The following DDI2 variants were observed in gnomAD, a reference collection of about 807,000 sequenced individuals.
DDI2 encodes DDI proteasomal shuttling factor 2.
Under a neutral mutation model 48.1 loss-of-function variants are expected in DDI2, and 5 were observed. The ratio of observed to expected loss-of-function variants is 0.10; its 90% confidence interval spans 0.05 to 0.22. The LOEUF (loss-of-function observed/expected upper bound fraction) is 0.22, where lower values mean the gene tolerates loss of function less well. DDI2 is among the 10% of genes least tolerant of loss of function. The probability of loss-of-function intolerance (pLI) is 1.00; values close to 1 mark genes in which losing one functional copy is unlikely to be tolerated. For synonymous variants in DDI2, 205 were observed against 183.6 expected, an observed-to-expected ratio of 1.12 and a Z score of -0.94; for missense variants, 285 against 506.2, an observed-to-expected ratio of 0.56 and a Z score of 4.19.
At chr1:15,651,613 C>G in intron 7 of DDI2, 93 bp from the exon 8 acceptor site, 2 of 1,251,202 alleles carry the variant, frequency 1.6e-6, no homozygotes, top group Non-Finnish European at 2.2e-6. Flanking sequence ...GTCACCGTGC[C>G]TGGCCATTTG....
chr1:15,619,582 C>T (rs1020652031), intron 1 of DDI2, among the ~76,000 whole-genome samples: 1 of 151,856 alleles, frequency 6.6e-6, no homozygotes, highest in African/African-American at 2.4e-5. Context: ...CTGCCTCAGC[C>T]TCCCGAGTAG....
chr1:15,649,788 A>G lies in DDI2; in HGVS notation c.958A>G (p.Met320Val), dbSNP rs1056577268. ...TATACTTGAGGAACAGCCCATGGAC[A>G]TGCTTCTGGGACTGGACATGCTTAA... is the stretch of plus-strand genomic sequence containing the variant. ...FSILEEQPMD[M>V]LLGLDMLKRH... The change falls in exon 7 of 10, where the codon ATG becomes GTG. Residue 320 changes from methionine (M) to valine (V), a missense_variant. Met to Val is a conservative substitution (Grantham distance 21). Transcript: ENST00000480945. 7 of 1,613,432 alleles carry G rather than the reference A, an allele frequency of 4.3e-6. No individual in the cohort carries two copies. The East Asian group carries it at 1.6e-4, about 36-fold the overall frequency.
chr1:15,651,225 A>G (rs1640177220), intron 7 of DDI2, among the ~76,000 whole-genome samples: 4 of 152,092 alleles, frequency 2.6e-5, no homozygotes, highest in African/African-American at 9.7e-5. Context: ...GCCTTTCCTT[A>G]TTTTTTTAGT....
chr1:15,668,067 A>G lies in DDI2; in HGVS notation c.*8277A>G, dbSNP rs1489642940. 1 of 152,032 alleles carries G rather than the reference A, an allele frequency of 6.6e-6. No individual in the cohort carries two copies. The highest frequency in any genetic ancestry group is 1.5e-5 in the Non-Finnish European group (1 of 68,024). 9.4% of individuals were successfully genotyped at this position (152,032 alleles called of 1,614,324 possible). On this transcript the variant is annotated 3_prime_UTR_variant, in exon 10 of 10. Transcript: ENST00000480945. ...GAACTAGGTTTCTTTATGTTCTGCA[A>G]GAAGGTTTTTATTAGCTAATTTGGG... is the stretch of plus-strand genomic sequence containing the variant.
At chr1:15,641,852 G>A (rs1195120662) in intron 5 of DDI2, among the ~76,000 whole-genome samples, 1 of 151,776 alleles carries the variant, frequency 6.6e-6, no homozygotes, top group African/African-American at 2.4e-5. Flanking sequence ...CTACTCGGGA[G>A]GCTGAGGCAG....
At chr1:15,628,638 T>A (rs1258628753) in intron 2 of DDI2, among the ~76,000 whole-genome samples, 2 of 152,230 alleles carry the variant, frequency 1.3e-5, no homozygotes, top group African/African-American at 4.8e-5. Flanking sequence ...TGAAGGAATG[T>A]CGATTGACTC....
intron 9 of DDI2, 24 bp downstream of exon 9, chr1:15,656,703 C>T (rs1640278386): frequency 1.2e-6 from 2 of 1,613,368 alleles, no homozygotes; most frequent in Non-Finnish European, 1.7e-6. Flanking sequence ...CCATGTTAAG[C>T]CTTCCATCCA....
At chr1:15,652,098 C>A (rs1640195635) in intron 8 of DDI2, among the ~76,000 whole-genome samples, 1 of 122,216 alleles carries the variant, frequency 8.2e-6, no homozygotes. Context: ...CATTGTCTCA[C>A]TCTGTCACCC....
chr1:15,648,292 A>G (rs929922495), intron 6 of DDI2, among the ~76,000 whole-genome samples: 4 of 152,356 alleles, frequency 2.6e-5, no homozygotes, highest in African/African-American at 9.6e-5. Flanking sequence ...CTCTGTGGCC[A>G]TCCTTGTGGA....
chr1:15,629,326 T>A (rs924008960), intron 2 of DDI2, among the ~76,000 whole-genome samples: 7 of 152,296 alleles, frequency 4.6e-5, no homozygotes, highest in South Asian at 2.1e-4. Context: ...CCGGGCACAG[T>A]GGCTCACACT....
In DDI2 at chr1:15,668,607, CCTTT is replaced by C. The variant is rs1473023007; in HGVS notation, c.*8822_*8825del. On this transcript the variant is annotated 3_prime_UTR_variant, in exon 10 of 10. Transcript: ENST00000480945. ...AAATCTTAGCAACTAGAAACCCCGT[CCTTT>C]CTTTTCCTTCTTTATATGTTCTTGC... 2 of 152,314 alleles carry C rather than the reference CCTTT, an allele frequency of 1.3e-5. No individual in the cohort carries two copies. The highest frequency in any genetic ancestry group is 1.9e-4 in the East Asian group (1 of 5,188). The allele number at this position is 152,314 out of a possible 1,614,324, so 9.4% of individuals were successfully genotyped here.
At chr1:15,644,609 T>TTTG (rs1216223053) in intron 6 of DDI2, among the ~76,000 whole-genome samples, 10 of 137,994 alleles carry the variant, frequency 7.2e-5, no homozygotes. Context: ...TTTTTTTTTT[T>TTTG]TTGAGACGGA....
intron 8 of DDI2, among the ~76,000 whole-genome samples, chr1:15,655,469 C>T (rs776464523): frequency 2.8e-4 from 42 of 149,322 alleles, no homozygotes; most frequent in African/African-American, 7.4e-5. Context: ...AAAAAAACCA[C>T]GGCTGGGCGC....
chr1:15,617,525 A>T lies in DDI2; in HGVS notation c.-146A>T. Reference sequence around the variant, plus strand: ...GAGGGCGGGAGGGAGTGACTCACTGAGCGTGTGTGAGGGAGGGAGCGAGCG... The same window carrying T: ...GAGGGCGGGAGGGAGTGACTCACTGTGCGTGTGTGAGGGAGGGAGCGAGCG... On this transcript the variant is annotated 5_prime_UTR_variant, in exon 1 of 10. Transcript: ENST00000480945. The T allele has an allele frequency of 1.9e-6, 1 of 533,724 alleles. No individual in the cohort carries two copies. The highest frequency in any genetic ancestry group is 3.8e-5 in the East Asian group (1 of 26,098). 33.1% of individuals were successfully genotyped at this position (533,724 alleles called of 1,614,324 possible).
chr1:15,649,707 A>T lies in DDI2; in HGVS notation c.890-13A>T, dbSNP rs746737771. 5.6e-6 allele frequency: 9 copies of T among 1,604,644 alleles called. No individual in the cohort carries two copies. Among genetic ancestry groups the T allele is most frequent in the Non-Finnish European group, 5.9e-6 (7 of 1,177,146 alleles). ...TACGTAACAATAACCTTTTCTCTTCATGTGCTTTTTAGCTCAGGTTCAGAT... is the reference window on the plus strand; with the variant it reads ...TACGTAACAATAACCTTTTCTCTTCTTGTGCTTTTTAGCTCAGGTTCAGAT... On this transcript the variant is annotated splice_polypyrimidine_tract_variant and intron_variant, in intron 6 of 9. Transcript: ENST00000480945.
At chr1:15,650,293 A>G (rs1485058679) in intron 7 of DDI2, among the ~76,000 whole-genome samples, 1 of 152,156 alleles carries the variant, frequency 6.6e-6, no homozygotes, top group African/African-American at 2.4e-5. Context: ...TTGTGTTGAT[A>G]TTTATCTTTC....
At chr1:15,622,481 A>G in intron 1 of DDI2, among the ~76,000 whole-genome samples, 1 of 152,220 alleles carries the variant, frequency 6.6e-6, no homozygotes, top group South Asian at 2.1e-4. Flanking sequence ...ATTATAATTC[A>G]GTCTCTGGGG....
chr1:15,642,170 G>T (rs1339965691), intron 5 of DDI2, among the ~76,000 whole-genome samples: 3 of 152,160 alleles, frequency 2.0e-5, no homozygotes, highest in Non-Finnish European at 4.4e-5. Context: ...ATGCCTGTTG[G>T]CTTTGACAGA....
intron 8 of DDI2, among the ~76,000 whole-genome samples, chr1:15,652,804 G>A (rs948964660): frequency 1.3e-5 from 2 of 150,234 alleles, no homozygotes; most frequent in African/African-American, 4.9e-5. Context: ...GCCTGGGTAA[G>A]AGAGCGAGAC....
Sources: gnomAD v4.1 joint callset for allele counts (sites outside exome capture counted in the v4.1 genomes callset) on GRCh38, gnomAD v4.1.1 for gene constraint, MANE v1.5 for transcripts, NCBI Gene and HGNC (gene_info 2026-07-23, HGNC 2026-07-21) for gene names.